CSMD1: variants seen among roughly 807,000 people sequenced by gnomAD.
CSMD1 encodes the protein CUB and Sushi multiple domains 1.
In CSMD1, 213 loss-of-function variants were observed where a neutral mutation model predicts 417.5. That is an observed-to-expected ratio of 0.51 (90% confidence interval 0.46 to 0.57). CSMD1 has a LOEUF of 0.57. Ranked by LOEUF, CSMD1 falls within the 20% of genes least tolerant of loss-of-function variation. CSMD1 has a pLI of 0.00. For synonymous variants in CSMD1, 2,862 were observed against 1,736.8 expected (o/e 1.65, Z -16.11); for missense variants, 6,923 against 4,529.7 (o/e 1.53, Z -15.17).
At chr8:4,429,604 G>C (rs891656843) in intron 2 of CSMD1, among the ~76,000 whole-genome samples, 2 of 152,252 alleles carry the variant, frequency 1.3e-5, no homozygotes, top group African/African-American at 2.4e-5. Flanking sequence ...GAAAGTCAAA[G>C]TTTAGAGACT....
chr8:3,010,797 G>A (rs1451397030), intron 52 of CSMD1, among the ~76,000 whole-genome samples: 1 of 150,624 alleles, frequency 6.6e-6, no homozygotes, highest in Admixed American at 6.6e-5. Context: ...AGGCTGGAGT[G>A]TAATGGCATG....
chr8:4,720,538 C>A (rs372934013), intron 1 of CSMD1, among the ~76,000 whole-genome samples: 1 of 152,108 alleles, frequency 6.6e-6, no homozygotes, highest in South Asian at 2.1e-4. Flanking sequence ...CTGCCTCAGC[C>A]CCCTGAATAG....
At chr8:4,045,524 G>A (rs918880310) in intron 3 of CSMD1, among the ~76,000 whole-genome samples, 9 of 152,196 alleles carry the variant, frequency 5.9e-5, no homozygotes, top group Admixed American at 5.9e-4. Flanking sequence ...ACATCATGGG[G>A]CCCTGTGGGC....
In CSMD1 at chr8:3,575,073, A is replaced by T; in HGVS notation, c.1223-7T>A. On this transcript the variant is annotated splice_region_variant and splice_polypyrimidine_tract_variant and intron_variant, in intron 9 of 69. Transcript: ENST00000635120. Reference sequence around the variant, plus strand: ...TTGGATCCACATGTTCTCGCTGGAAACACATAGAAACGACGTTATTTTCTA... The same window carrying T: ...TTGGATCCACATGTTCTCGCTGGAATCACATAGAAACGACGTTATTTTCTA... 6.2e-7 allele frequency: 1 copy of T among 1,612,442 alleles called. No individual in the cohort carries two copies. Among genetic ancestry groups the T allele is most frequent in the South Asian group, 1.1e-5 (1 of 90,906 alleles).
At chr8:2,960,515 T>C (rs1050452346) in intron 62 of CSMD1, among the ~76,000 whole-genome samples, 2 of 152,224 alleles carry the variant, frequency 1.3e-5, no homozygotes, top group East Asian at 1.9e-4. Context: ...ACATTTTATT[T>C]CAAGCTTCAT....
intron 3 of CSMD1, among the ~76,000 whole-genome samples, chr8:4,367,190 A>G (rs1354432966): frequency 6.6e-6 from 1 of 152,076 alleles, no homozygotes; most frequent in Non-Finnish European, 1.5e-5. Flanking sequence ...CTTGCATTGA[A>G]TCCTTTAATC....
intron 33 of CSMD1, among the ~76,000 whole-genome samples, chr8:3,190,906 T>G (rs1395353181): frequency 6.6e-6 from 1 of 152,140 alleles, no homozygotes; most frequent in South Asian, 2.1e-4. Context: ...TATGGGGAGA[T>G]CTAAAGTAGT....
chr8:4,071,397 T>G (rs79324621), intron 3 of CSMD1, among the ~76,000 whole-genome samples: 2,247 of 139,784 alleles, frequency 0.016, 141 homozygotes, highest in Admixed American at 0.12. Flanking sequence ...GTAAACCTAC[T>G]TTAAAAAAAA....
chr8:3,225,629 G>T (rs574932220), intron 27 of CSMD1, among the ~76,000 whole-genome samples: 1 of 152,134 alleles, frequency 6.6e-6, no homozygotes, highest in Non-Finnish European at 1.5e-5. Flanking sequence ...TGGCTACAGG[G>T]TGCTACCAGC....
intron 3 of CSMD1, among the ~76,000 whole-genome samples, chr8:4,220,342 C>T (rs538737260): frequency 6.6e-6 from 1 of 152,236 alleles, no homozygotes; most frequent in Admixed American, 6.5e-5. Context: ...TTAGCATGTA[C>T]AACAGCAGGA....
chr8:4,803,249 T>C (rs924468740), intron 1 of CSMD1, among the ~76,000 whole-genome samples: 10 of 152,326 alleles, frequency 6.6e-5, no homozygotes, highest in South Asian at 2.1e-4. Context: ...TCATGGTTTA[T>C]GGTTTACTGA....
intron 1 of CSMD1, among the ~76,000 whole-genome samples, chr8:4,876,479 T>C (rs1319906197): frequency 1.3e-5 from 2 of 152,114 alleles, no homozygotes; most frequent in African/African-American, 4.8e-5. Flanking sequence ...GTACACTTAG[T>C]TATTGGAATT....
At chr8:3,956,527 G>A (rs932891097) in intron 5 of CSMD1, among the ~76,000 whole-genome samples, 1 of 152,206 alleles carries the variant, frequency 6.6e-6, no homozygotes, top group African/African-American at 2.4e-5. Context: ...TGGAAACTCA[G>A]TAAAAATAAT....
chr8:4,428,746 G>A (rs541351916), intron 2 of CSMD1, among the ~76,000 whole-genome samples: 1 of 152,094 alleles, frequency 6.6e-6, no homozygotes, highest in African/African-American at 2.4e-5. Flanking sequence ...TTGAGAAGGA[G>A]TCTAGCTTTG....
In CSMD1 at chr8:3,408,083, A is replaced by G; in HGVS notation, c.1887T>C (p.Phe629=). 1 of 1,613,896 alleles carries G rather than the reference A, an allele frequency of 6.2e-7. No individual in the cohort carries two copies. The highest frequency in any genetic ancestry group is 8.5e-7 in the Non-Finnish European group (1 of 1,179,818). ...GSRIHLIFND[F]DVEPQFDFLA... Reference sequence around the variant, plus strand: ...GAAAGTCAAACTGAGGCTCAACATCAAAATCATTAAAGATTAGGTGAATTC... The same window carrying G: ...GAAAGTCAAACTGAGGCTCAACATCGAAATCATTAAAGATTAGGTGAATTC... Residue 629 remains phenylalanine (F), a synonymous_variant, in exon 14 of 70, where the codon TTT becomes TTC. Transcript: ENST00000635120.
intron 1 of CSMD1, among the ~76,000 whole-genome samples, chr8:4,866,816 C>A (rs73503859): frequency 6.6e-6 from 1 of 151,900 alleles, no homozygotes; most frequent in Non-Finnish European, 1.5e-5. Flanking sequence ...GATACAGGAT[C>A]CTTACCTTTT....
At chr8:4,658,885 G>C (rs1424069351) in intron 1 of CSMD1, among the ~76,000 whole-genome samples, 2 of 152,084 alleles carry the variant, frequency 1.3e-5, no homozygotes, top group Non-Finnish European at 2.9e-5. Flanking sequence ...CTATATAGGA[G>C]CACAACTTTT....
intron 23 of CSMD1, among the ~76,000 whole-genome samples, chr8:3,318,437 C>T (rs2052600): frequency 0.27 from 40,718 of 152,076 alleles, 6,317 homozygotes; most frequent in South Asian, 0.39. Context: ...GCCGAAGATA[C>T]AAAATTAACT....
intron 30 of CSMD1, 69 bp from the exon 31 acceptor site, chr8:3,205,689 T>C (rs183789009): frequency 5.4e-5 from 36 of 666,548 alleles, no homozygotes; most frequent in African/African-American, 3.5e-4. Flanking sequence ...GAGCCAAAGC[T>C]GAAACACATC....
Sources: allele counts gnomAD v4.1 joint callset (sites outside exome capture counted in the v4.1 genomes callset), GRCh38; gene constraint gnomAD v4.1.1; transcripts MANE v1.5; gene names NCBI Gene and HGNC (gene_info 2026-07-23, HGNC 2026-07-21).